Variants in UNC80 observed in about 807,000 individuals in gnomAD.
UNC80 encodes unc-80 subunit of NALCN channel complex, also known as protein unc-80 homolog.
Under a neutral mutation model 384.6 loss-of-function variants are expected in UNC80, and 164 were observed. The observed-to-expected ratio is 0.43, with a 90% CI of 0.38 to 0.49. UNC80 has a LOEUF of 0.49. Among genes scored for constraint, UNC80 ranks in the 20% least tolerant of loss-of-function variants. The probability of loss-of-function intolerance (pLI) is 0.00; values close to 1 mark genes in which losing one functional copy is unlikely to be tolerated. For synonymous variants in UNC80, 1,486 were observed against 1,527.8 expected, an observed-to-expected ratio of 0.97 and a Z score of 0.64; for missense variants, 3,330 against 4,143.0, an observed-to-expected ratio of 0.80 and a Z score of 5.39.
chr2:209,878,182 A>T, intron 24 of UNC80, 93 bp downstream of exon 24: 1 of 1,277,810 alleles, frequency 7.8e-7, no homozygotes, highest in Non-Finnish European at 1.0e-6. Flanking sequence ...TCATATTCTT[A>T]CCACCTCCCC....
chr2:209,915,639 T>TA (rs1028872366), intron 31 of UNC80, among the ~76,000 whole-genome samples: 88 of 152,274 alleles, frequency 5.8e-4, no homozygotes, highest in African/African-American at 2.0e-3. Flanking sequence ...TTCTGAGCCA[T>TA]ACAGCAATGT....
intron 21 of UNC80, among the ~76,000 whole-genome samples, chr2:209,846,680 A>T (rs2082195163): frequency 6.6e-6 from 1 of 152,136 alleles, no homozygotes; most frequent in Non-Finnish European, 1.5e-5. Context: ...ACCTCAACAT[A>T]AAAAATAAAT....
chr2:209,839,153 A>T lies in UNC80; in HGVS notation c.3042-69A>T, dbSNP rs1053699438. Reference sequence around the variant, plus strand: ...TTGCCTAAATATCATTGACAGGAAGATGAAAGAAATTTAGGAGAATTTCTC... The same window carrying T: ...TTGCCTAAATATCATTGACAGGAAGTTGAAAGAAATTTAGGAGAATTTCTC... On this transcript the variant is annotated intron_variant, in intron 18 of 64. Coordinates refer to ENST00000673920, the MANE Select transcript of UNC80 (RefSeq NM_001371986.1). This position sits in a 1 kb window ranked among gnomAD's most constrained non-coding sequence, Gnocchi z 4.1. 5 of 1,394,028 alleles carry T rather than the reference A, an allele frequency of 3.6e-6. No individual in the cohort carries two copies. Among genetic ancestry groups the T allele is most frequent in the Non-Finnish European group, 4.9e-6 (5 of 1,017,768 alleles). 86.4% of individuals were successfully genotyped at this position (1,394,028 alleles called of 1,614,324 possible). A position where few individuals can be genotyped will look rare whatever the true frequency, so the allele number is the denominator to read the frequency against.
At chr2:209,828,935 T>G (rs1399669172) in intron 14 of UNC80, among the ~76,000 whole-genome samples, 1 of 152,220 alleles carries the variant, frequency 6.6e-6, no homozygotes, top group African/African-American at 2.4e-5. Flanking sequence ...ATTAAGATCT[T>G]AAAATCTCTA....
intron 22 of UNC80, among the ~76,000 whole-genome samples, chr2:209,860,400 AG>A (rs546630373): frequency 4.3e-4 from 66 of 152,086 alleles, no homozygotes; most frequent in Non-Finnish European, 8.8e-4. Context: ...AGTCTGTTTT[AG>A]TACCAGTACC....
intron 25 of UNC80, among the ~76,000 whole-genome samples, chr2:209,885,734 T>C (rs1382149611): frequency 2.0e-5 from 3 of 151,962 alleles, no homozygotes; most frequent in South Asian, 4.2e-4. Context: ...AGAAACAAAA[T>C]GTAGAGTCTA....
chr2:209,812,494 C>T (rs1315605158), intron 7 of UNC80, among the ~76,000 whole-genome samples: 4 of 152,108 alleles, frequency 2.6e-5, no homozygotes, highest in Non-Finnish European at 5.9e-5. Flanking sequence ...AATCCCTACT[C>T]ACTCTCTGTG....
intron 8 of UNC80, 106 bp from the exon 9 acceptor site, chr2:209,815,151 G>C: frequency 9.2e-7 from 1 of 1,090,016 alleles, no homozygotes; most frequent in African/African-American, 1.6e-5. Context: ...ATTGTTCAAA[G>C]ATGTCAAAGC....
intron 54 of UNC80, 104 bp from the exon 55 acceptor site, chr2:209,972,097 G>T: frequency 7.2e-7 from 1 of 1,388,500 alleles, no homozygotes; most frequent in Middle Eastern, 2.0e-4. Context: ...TAGTTTACAG[G>T]AGCAGCCAGC....
At chr2:209,785,463 A>G (rs2077371781) in intron 4 of UNC80, among the ~76,000 whole-genome samples, 1 of 152,196 alleles carries the variant, frequency 6.6e-6, no homozygotes, top group Non-Finnish European at 1.5e-5. Context: ...ATGCTATGTT[A>G]AACATTGTGA....
At position 209,996,920 on chromosome 2, in the gene UNC80, G is replaced by C. The variant is rs1201624673; in HGVS notation, c.*1325G>C. On this transcript the variant is annotated 3_prime_UTR_variant, in exon 65 of 65. Coordinates refer to ENST00000673920, the MANE Select transcript of UNC80 (RefSeq NM_001371986.1). Reference sequence around the variant, plus strand: ...TGCGTGTGTGTGTGTATGTGTTGTAGTCCTCAAGATGAAGTTAAATATAGA... The same window carrying C: ...TGCGTGTGTGTGTGTATGTGTTGTACTCCTCAAGATGAAGTTAAATATAGA... 6.6e-6 allele frequency: 1 copy of C among 152,098 alleles called. No homozygotes were observed. The highest frequency in any genetic ancestry group is 6.5e-5 in the Admixed American group (1 of 15,270). The allele number at this position is 152,098 out of a possible 1,614,324, so 9.4% of individuals were successfully genotyped here.
At position 209,820,207 on chromosome 2, in the gene UNC80, C is replaced by T. The variant is rs377211411; in HGVS notation, c.1963-104C>T. On this transcript the variant is annotated intron_variant, in intron 12 of 64. Transcript: ENST00000673920. ...TGTCTAAATTATTTCTACCCAATTT[C>T]ATAGACTAGCCTAAGGAAATGGGTT... 1.0e-5 allele frequency: 14 copies of T among 1,379,674 alleles called. No individual in the cohort carries two copies. The East Asian group carries it at 2.1e-4, about 21-fold the overall frequency. The allele number at this position is 1,379,674 out of a possible 1,614,324, so 85.5% of individuals were successfully genotyped here.
intron 22 of UNC80, among the ~76,000 whole-genome samples, chr2:209,854,021 A>G (rs1347904549): frequency 6.6e-6 from 1 of 152,142 alleles, no homozygotes; most frequent in Admixed American, 6.6e-5. Context: ...GAAAAGAGAC[A>G]TAAACCAGGA....
Position 209,806,215 on chromosome 2 carries a change from G to A in UNC80, c.939-7365G>A, listed in dbSNP as rs531555591. Among the ~76,000 whole-genome samples, 285 of 152,132 alleles carry A rather than the reference G, an allele frequency of 1.9e-3. 2 individuals carry two copies. The highest frequency in any genetic ancestry group is 6.5e-3 in the African/African-American group (270 of 41,498). ...ATATAATCTTTCTCATCCATAATAA[G>A]CATAGAAATTTACAAATATAGACAT... On this transcript the variant is annotated intron_variant, in intron 7 of 64. Coordinates refer to ENST00000673920, the MANE Select transcript of UNC80 (RefSeq NM_001371986.1).
At chr2:209,965,741 T>C (rs1414163957) in intron 51 of UNC80, among the ~76,000 whole-genome samples, 2 of 151,984 alleles carry the variant, frequency 1.3e-5, no homozygotes, top group African/African-American at 2.4e-5. Context: ...ATTTATGAGA[T>C]TTTTGGAGGT....
chr2:209,856,765 T>C (rs754872615), intron 22 of UNC80, among the ~76,000 whole-genome samples: 12 of 105,362 alleles, frequency 1.1e-4, no homozygotes, highest in East Asian at 2.0e-4. Flanking sequence ...TGTTTACTTA[T>C]TTATTTATTT....
intron 59 of UNC80, among the ~76,000 whole-genome samples, chr2:209,979,609 A>G (rs1043218622): frequency 6.6e-6 from 1 of 152,246 alleles, no homozygotes; most frequent in Non-Finnish European, 1.5e-5. Context: ...TTATGACATG[A>G]GGAGAAATAC....
chr2:209,785,891 A>G lies in UNC80; in HGVS notation c.601-175A>G, dbSNP rs140394296. ...GATTTTCATAGTAATTGCAGTGATA[A>G]CTTTGGGTCATTGGTTTACTCTAGA... On this transcript the variant is annotated intron_variant, in intron 4 of 64. Transcript: ENST00000673920. Among the ~76,000 whole-genome samples the G allele has an allele frequency of 5.8e-3, 889 of 152,342 alleles. 15 individuals carry two copies. The highest frequency in any genetic ancestry group is 0.02 in the African/African-American group (839 of 41,578).
At chr2:209,939,306 C>T (rs2091466265) in intron 42 of UNC80, among the ~76,000 whole-genome samples, 166 bp from the exon 43 acceptor site, 1 of 152,180 alleles carries the variant, frequency 6.6e-6, no homozygotes, top group Non-Finnish European at 1.5e-5. Flanking sequence ...TTTGCTCTTG[C>T]TTGTGGTAAA....
Sources: allele counts gnomAD v4.1 joint callset (sites outside exome capture counted in the v4.1 genomes callset), GRCh38; gene constraint gnomAD v4.1.1; non-coding constraint Gnocchi (gnomAD v3.1); transcripts MANE v1.5; gene names NCBI Gene and HGNC (gene_info 2026-07-23, HGNC 2026-07-21).